ACADSB: variants seen among roughly 807,000 people sequenced by gnomAD.
The protein encoded by ACADSB is acyl-CoA dehydrogenase short/branched chain, also known as short/branched chain specific acyl-CoA dehydrogenase, mitochondrial.
Under a neutral mutation model 54.1 loss-of-function variants are expected in ACADSB, and 40 were observed. That is an observed-to-expected ratio of 0.74 (90% CI 0.57 to 0.96). ACADSB has a LOEUF of 0.96. Ranked by LOEUF, ACADSB falls within the 40% of genes least tolerant of loss-of-function variation. The probability of loss-of-function intolerance (pLI) is 0.00; values close to 1 mark genes in which losing one functional copy is unlikely to be tolerated. For synonymous variants in ACADSB, 182 were observed against 182.8 expected (o/e 1.00, Z 0.03); for missense variants, 530 against 510.4 (o/e 1.04, Z -0.37).
At position 123,037,709 on chromosome 10, in the gene ACADSB, C is replaced by T. The variant is rs939993911; in HGVS notation, c.203-38C>T. 4 of 1,442,428 alleles carry T rather than the reference C, an allele frequency of 2.8e-6. No individual in the cohort carries two copies. The African/African-American group carries it at 4.2e-5, about 15-fold the overall frequency. The allele number at this position is 1,442,428 out of a possible 1,614,324, so 89.4% of individuals were successfully genotyped here. A position where few individuals can be genotyped will look rare whatever the true frequency, so the allele number is the denominator to read the frequency against. ...CAGCAAACTATTAATGTGACTGTCA[C>T]TTTAACATAGACTTATCAGTAATTC... On this transcript the variant is annotated intron_variant, in intron 2 of 10. Transcript: ENST00000358776.
rs979422724 is a variant in ACADSB at position 123,044,549 on chromosome 10, A to G, written c.900+64A>G. ...TAAACTGTGAAAAGAAAAAAATGCA[A>G]TGAGACCAATGAATATTTGGAAGCT... On this transcript the variant is annotated intron_variant, in intron 7 of 10. Coordinates refer to ENST00000358776, the MANE Select transcript of ACADSB (RefSeq NM_001609.4). 34 of 1,259,546 alleles carry G rather than the reference A, an allele frequency of 2.7e-5. No individual in the cohort carries two copies. The African/African-American group carries it at 4.1e-4, about 15-fold the overall frequency. The allele number at this position is 1,259,546 out of a possible 1,614,324, so 78.0% of individuals were successfully genotyped here.
chr10:123,041,346 C>T lies in ACADSB; in HGVS notation c.648C>T (p.Leu216=), dbSNP rs763581651. The T allele has an allele frequency of 6.2e-7, 1 of 1,614,196 alleles. No homozygotes were observed. Among genetic ancestry groups the T allele is most frequent in the Middle Eastern group, 1.6e-4 (1 of 6,062 alleles). The change falls in exon 5 of 11, where the codon CTC becomes CTT. Residue 216 remains leucine, a synonymous_variant. Transcript: ENST00000358776. ...TCAGCAGTGCTGAGCACGCAGGGCT[C>T]TTTCTGGTGATGGCAAATGTAGACC... The part of the protein sequence containing the change: ...MWISSAEHAG[L]FLVMANVDPT...
chr10:123,015,487 A>G (rs188106170), intron 1 of ACADSB, among the ~76,000 whole-genome samples: 2 of 152,330 alleles, frequency 1.3e-5, no homozygotes, highest in Admixed American at 1.3e-4. Flanking sequence ...TCTACTCATA[A>G]GAGGCCAATA....
At chr10:123,014,033 C>G (rs746494067) in intron 1 of ACADSB, among the ~76,000 whole-genome samples, 1 of 152,216 alleles carries the variant, frequency 6.6e-6, no homozygotes, top group South Asian at 2.1e-4. Flanking sequence ...CGAGAGCAAG[C>G]GAGGGCTGCC....
At chr10:123,037,365 G>T (rs996988775) in intron 2 of ACADSB, among the ~76,000 whole-genome samples, 5 of 152,236 alleles carry the variant, frequency 3.3e-5, no homozygotes, top group Non-Finnish European at 4.4e-5. Flanking sequence ...TGATTCCTTT[G>T]TGTGAACATG....
rs1370215763 is a variant in ACADSB, at chr10:123,053,086, G to A, written c.1154G>A (p.Cys385Tyr). Residue 385 changes from cysteine (C) to tyrosine (Y), a missense_variant, in exon 10 of 11, where the codon TGT (cysteine) becomes TAT (tyrosine). By Grantham distance (194) the Cys-to-Tyr change is radical (BLOSUM62 -2). Transcript: ENST00000358776. ...SEIAGQTTSKCIEWMGGVGYT... is the reference protein window; with the variant it reads ...SEIAGQTTSKYIEWMGGVGYT... Reference sequence around the variant, plus strand: ...ATTGCAGGACAAACAACGAGTAAATGTATCGAGTGGATGGGGGGAGTAGGC... The same window carrying A: ...ATTGCAGGACAAACAACGAGTAAATATATCGAGTGGATGGGGGGAGTAGGC... 1 of 1,614,028 alleles carries A rather than the reference G, an allele frequency of 6.2e-7. No individual in the cohort carries two copies. Among genetic ancestry groups the A allele is most frequent in the Admixed American group, 1.7e-5 (1 of 60,024 alleles).
At chr10:123,018,456 G>A (rs1430222633) in intron 1 of ACADSB, among the ~76,000 whole-genome samples, 4 of 152,186 alleles carry the variant, frequency 2.6e-5, no homozygotes, top group Non-Finnish European at 1.5e-5. Flanking sequence ...AAGAATCAGA[G>A]ACTGGTAGAT....
chr10:123,055,269 A>G lies in ACADSB; in HGVS notation c.*1504A>G, dbSNP rs949368914. The G allele has an allele frequency of 3.5e-5, 7 of 198,640 alleles. No individual in the cohort carries two copies. Among genetic ancestry groups the G allele is most frequent in the East Asian group, 1.6e-4 (1 of 6,330 alleles). The allele number at this position is 198,640 out of a possible 1,614,324, so 12.3% of individuals were successfully genotyped here. ...GTGGGAGGCAAAAAGCACTTCTTAC[A>G]TGGCGGCAGCAAGAGAAAATGAGAA... is the stretch of plus-strand genomic sequence containing the variant. On this transcript the variant is annotated 3_prime_UTR_variant, in exon 11 of 11. Transcript: ENST00000358776.
In ACADSB at chr10:123,052,826, T is replaced by C; in HGVS notation, c.1129-235T>C. Reference sequence around the variant, plus strand: ...AAATGATATCTCTCAGCATGCAGATTCATGTGAACAATGCTCTAATTTCTT... The same window carrying C: ...AAATGATATCTCTCAGCATGCAGATCCATGTGAACAATGCTCTAATTTCTT... On this transcript the variant is annotated intron_variant, in intron 9 of 10. Transcript: ENST00000358776. The surrounding 1 kb of genome is among the most constrained non-coding windows in gnomAD (Gnocchi z 4.2). The C allele has an allele frequency of 1.8e-6, 1 of 544,712 alleles. No homozygotes were observed. The highest frequency in any genetic ancestry group is 3.3e-6 in the Non-Finnish European group (1 of 300,078). The allele number at this position is 544,712 out of a possible 1,614,324, so 33.7% of individuals were successfully genotyped here.
chr10:123,020,059 A>G (rs948894788), intron 1 of ACADSB, among the ~76,000 whole-genome samples: 5 of 152,186 alleles, frequency 3.3e-5, no homozygotes, highest in African/African-American at 1.2e-4. Context: ...TTAAATAACA[A>G]AAGACAGATT....
Position 123,056,296 on chromosome 10 carries a change from G to T in ACADSB, c.*2531G>T. 4.3e-6 allele frequency: 1 copy of T among 231,442 alleles called. No individual in the cohort carries two copies. Among genetic ancestry groups the T allele is most frequent in the Non-Finnish European group, 8.3e-6 (1 of 119,960 alleles). The allele number at this position is 231,442 out of a possible 1,614,324, so 14.3% of individuals were successfully genotyped here. On this transcript the variant is annotated 3_prime_UTR_variant, in exon 11 of 11. Transcript: ENST00000358776. ...CGGGGAGGCCTCAGAATCATGGCGG[G>T]AGGTGAAAAGCACTTCGTACATGGT...
At chr10:123,040,961 T>G (rs1415743816) in intron 4 of ACADSB, among the ~76,000 whole-genome samples, 1 of 152,236 alleles carries the variant, frequency 6.6e-6, no homozygotes, top group Non-Finnish European at 1.5e-5. Context: ...GTGATGTCTT[T>G]CTGCTGTAAT....
At chr10:123,010,247 A>T (rs1379218442) in intron 1 of ACADSB, among the ~76,000 whole-genome samples, 2 of 152,224 alleles carry the variant, frequency 1.3e-5, no homozygotes, top group African/African-American at 2.4e-5. Flanking sequence ...CATCTTAACA[A>T]GTAGTTTAAT....
intron 1 of ACADSB, among the ~76,000 whole-genome samples, chr10:123,020,638 A>G (rs1210750407): frequency 6.6e-6 from 1 of 152,244 alleles, no homozygotes; most frequent in Admixed American, 6.5e-5. Context: ...TAATTGCATA[A>G]GAAACAGCTA....
chr10:123,044,047 G>T (rs891562203), intron 6 of ACADSB, among the ~76,000 whole-genome samples: 4 of 152,124 alleles, frequency 2.6e-5, no homozygotes, highest in Non-Finnish European at 5.9e-5. Flanking sequence ...GCAGATCTTT[G>T]TAGTTCCTAA....
chr10:123,022,706 CAAGGATATCCTTAGTAACCT>C (rs1295215994), intron 1 of ACADSB, among the ~76,000 whole-genome samples: 1 of 77,636 alleles, frequency 1.3e-5, no homozygotes, highest in Non-Finnish European at 4.0e-5. Flanking sequence ...CTTAGTAACC[CAAGGATATCCTTAGTAACCT>C]AAAACTTTAA....
At chr10:123,037,476 T>C (rs1403657416) in intron 2 of ACADSB, among the ~76,000 whole-genome samples, 1 of 152,194 alleles carries the variant, frequency 6.6e-6, no homozygotes, top group Non-Finnish European at 1.5e-5. Flanking sequence ...TGGAAATGGC[T>C]TTCATTTTTC....
In ACADSB at chr10:123,050,946, G is replaced by A. The variant is rs908687659; in HGVS notation, c.991-103G>A. 7 of 1,217,678 alleles carry A rather than the reference G, an allele frequency of 5.7e-6. No homozygotes were observed. The Admixed American group carries it at 1.4e-4, about 25-fold the overall frequency. 75.4% of individuals were successfully genotyped at this position (1,217,678 alleles called of 1,614,324 possible). On this transcript the variant is annotated intron_variant, in intron 8 of 10. Transcript: ENST00000358776. ...CGTGAATGTAAATTTCCTTTGGGGT[G>A]TATTTTGAGTCTGTCAGTGTTGTGT...
At chr10:123,026,867 TAA>T (rs1262741937) in intron 1 of ACADSB, among the ~76,000 whole-genome samples, 3 of 149,270 alleles carry the variant, frequency 2.0e-5, no homozygotes, top group Non-Finnish European at 4.5e-5. Flanking sequence ...GAAACTAATT[TAA>T]AAAAAAAAGA....
Sources: gnomAD v4.1 joint callset for allele counts (sites outside exome capture counted in the v4.1 genomes callset) on GRCh38, gnomAD v4.1.1 for gene constraint, Gnocchi (gnomAD v3.1) non-coding constraint, MANE v1.5 for transcripts, NCBI Gene and HGNC (gene_info 2026-07-23, HGNC 2026-07-21) for gene names.